The following CASKIN1 variants were observed in gnomAD, a reference collection of about 807,000 sequenced individuals.
CASKIN1 encodes the protein CASK interacting protein 1, also known as caskin-1.
Under a neutral mutation model 117.5 loss-of-function variants are expected in CASKIN1, and 42 were observed. The observed-to-expected ratio is 0.36, with a 90% CI of 0.28 to 0.46. The LOEUF (loss-of-function observed/expected upper bound fraction) is 0.46. CASKIN1 is among the 20% of genes least tolerant of loss of function. CASKIN1 has a pLI of 1.00. For synonymous variants in CASKIN1, 1,148 were observed against 961.7 expected, an observed-to-expected ratio of 1.19 and a Z score of -3.59; for missense variants, 2,083 against 2,077.3, an observed-to-expected ratio of 1.00 and a Z score of -0.05.
chr16:2,186,047 C>A (rs1041328717), intron 10 of CASKIN1, among the ~76,000 whole-genome samples: 1 of 152,202 alleles, frequency 6.6e-6, no homozygotes, highest in African/African-American at 2.4e-5. Flanking sequence ...TCTTCGCTCA[C>A]TGTAGCCTCC....
At position 2,190,353 on chromosome 16, in the gene CASKIN1, G is replaced by T; in HGVS notation, c.100C>A (p.Leu34Met). The T allele has an allele frequency of 6.4e-7, 1 of 1,571,030 alleles. No individual in the cohort carries two copies. Residue 34 changes from leucine (L) to methionine (M), a missense_variant, in exon 2 of 20, where the codon CTG (leucine) becomes ATG (methionine). By Grantham distance (15) the Leu-to-Met change is conservative. Around this residue, in one of 3 missense-constraint regions of CASKIN1, gnomAD observed 62 missense variants for 49.7 expected, o/e 1.25. Coordinates refer to ENST00000343516, the MANE Select transcript of CASKIN1 (RefSeq NM_020764.4). ...ACATTGATCTTCTTGGTGGAACCCA[G>T]GAGCTCTGGGGATGGAAGGAGACTC... Reference protein sequence around the residue: ...QRPRPGKAKLLGSTKKINVNF... With the variant: ...QRPRPGKAKLMGSTKKINVNF...
intron 1 of CASKIN1, 148 bp from the exon 2 acceptor site, chr16:2,190,506 C>T (rs1156281746): frequency 9.7e-6 from 7 of 722,220 alleles, no homozygotes; most frequent in Non-Finnish European, 1.6e-5. Context: ...CACTCGTGCA[C>T]TCACGCGTTC....
Position 2,180,965 on chromosome 16 carries a change from C to G in CASKIN1, c.2403G>C (p.Thr801=). The G allele has an allele frequency of 6.8e-7, 1 of 1,467,354 alleles. No individual in the cohort carries two copies. Among genetic ancestry groups the G allele is most frequent in the Non-Finnish European group, 9.0e-7 (1 of 1,114,860 alleles). The allele number at this position is 1,467,354 out of a possible 1,614,324, so 90.9% of individuals were successfully genotyped here. The change falls in exon 18 of 20, where the codon ACG becomes ACC. Residue 801 remains threonine (T), a synonymous_variant. Coordinates refer to ENST00000343516, the MANE Select transcript of CASKIN1 (RefSeq NM_020764.4). ...GCTGCGGGGTGGGCTTCACCTTGGC[C>G]GTAGCTGGGGCTGGACCATGAGGTC... ...LGGPHGPAPA[T]AKVKPTPQLL...
At position 2,178,645 on chromosome 16, in the gene CASKIN1, C is replaced by T; in HGVS notation, c.4201G>A (p.Asp1401Asn). The change falls in exon 20 of 20, where the codon GAC becomes AAC. Residue 1401 changes from aspartate to asparagine, a missense_variant and splice_region_variant. Asp to Asn is a conservative substitution (Grantham distance 23, BLOSUM62 1). This residue lies in a region of CASKIN1 where 1,818 missense variants were observed against 1,688.9 expected (regional missense o/e 1.08). Coordinates refer to ENST00000343516, the MANE Select transcript of CASKIN1 (RefSeq NM_020764.4). ...CCAGTGCTCTTTTCCGCCGCCGAGTCGCTGCGGGGCGCGGGGCAAGGGGCG... is the reference window on the plus strand; with the variant it reads ...CCAGTGCTCTTTTCCGCCGCCGAGTTGCTGCGGGGCGCGGGGCAAGGGGCG... The part of the protein sequence containing the change: ...IRQEDAQGPR[D>N]SAAEKSTGSI... The T allele has an allele frequency of 6.3e-7, 1 of 1,586,748 alleles. No homozygotes were observed. The highest frequency in any genetic ancestry group is 8.5e-7 in the Non-Finnish European group (1 of 1,173,018).
At chr16:2,193,181 C>A (rs1166384237) in intron 1 of CASKIN1, among the ~76,000 whole-genome samples, 1 of 152,052 alleles carries the variant, frequency 6.6e-6, no homozygotes, top group Non-Finnish European at 1.5e-5. Context: ...CCACTCCTGG[C>A]TAATTTTGTA....
At chr16:2,187,718 T>C (rs2093189081) in intron 6 of CASKIN1, among the ~76,000 whole-genome samples, 1 of 151,402 alleles carries the variant, frequency 6.6e-6, no homozygotes, top group Admixed American at 6.6e-5. Flanking sequence ...ACCTCCTGGG[T>C]TCAAGCGATT....
rs778644327 is a variant in CASKIN1 at position 2,181,312 on chromosome 16, G to A, written c.2056C>T (p.Pro686Ser). 3.7e-6 allele frequency: 6 copies of A among 1,604,734 alleles called. No individual in the cohort carries two copies. The highest frequency in any genetic ancestry group is 5.1e-6 in the Non-Finnish European group (6 of 1,178,716). ...GAGTCCTGCCGCGTGGTGGCCCTCG[G>A]GGTGGGTGGCAGGTGGCTGGAGGGC... Reference protein sequence around the residue: ...EKPSSHLPPTPRATTRQDSSL... With the variant: ...EKPSSHLPPTSRATTRQDSSL... Residue 686 changes from proline (P) to serine (S), a missense_variant, in exon 18 of 20, where the codon CCG becomes TCG. By Grantham distance (74) the Pro-to-Ser change is moderately conservative. This residue lies in a region of CASKIN1 where 1,818 missense variants were observed against 1,688.9 expected (regional missense o/e 1.08). Coordinates refer to ENST00000343516, the MANE Select transcript of CASKIN1 (RefSeq NM_020764.4).
Position 2,183,633 on chromosome 16 carries a change from C to T in CASKIN1, c.1629+13G>A. On this transcript the variant is annotated intron_variant, in intron 16 of 19. Coordinates refer to ENST00000343516, the MANE Select transcript of CASKIN1 (RefSeq NM_020764.4). ...CGTCCTGGGCCCAGCCCCTGGGATGCAGGTGGCCTTACGGGTTTGTGCTCA... is the reference window on the plus strand; with the variant it reads ...CGTCCTGGGCCCAGCCCCTGGGATGTAGGTGGCCTTACGGGTTTGTGCTCA... 1 of 1,612,088 alleles carries T rather than the reference C, an allele frequency of 6.2e-7. No homozygotes were observed.
At position 2,183,757 on chromosome 16, in the gene CASKIN1, G is replaced by A. The variant is rs753110065; in HGVS notation, c.1528-10C>T. 5.0e-6 allele frequency: 8 copies of A among 1,613,124 alleles called. No individual in the cohort carries two copies. The highest frequency in any genetic ancestry group is 1.1e-5 in the South Asian group (1 of 91,080). On this transcript the variant is annotated splice_polypyrimidine_tract_variant and intron_variant, in intron 15 of 19. Transcript: ENST00000343516. ...CAATGGCCGTGAGGTCCTAGGCAGT[G>A]GGGAGGCTTGTCAGCTAGGGGCTGG...
rs2093215856 is a variant in CASKIN1, at chr16:2,196,294, G to C, written c.94+45C>G. On this transcript the variant is annotated intron_variant, in intron 1 of 19. Transcript: ENST00000343516. This position sits in a 1 kb window ranked among gnomAD's most constrained non-coding sequence, Gnocchi z 5.7. ...GGGTGGGGGGCTCCGCGCCGGGGAG[G>C]GGCCCCCGGGGCTCCCACCCGCGCC... 4.2e-6 allele frequency: 4 copies of C among 959,284 alleles called. No individual in the cohort carries two copies. In the African/African-American group the frequency reaches 7.0e-5, roughly 17 times the overall value. The allele number at this position is 959,284 out of a possible 1,614,324, so 59.4% of individuals were successfully genotyped here.
Position 2,183,700 on chromosome 16 carries a change from G to T in CASKIN1, c.1575C>A (p.Ile525=). ...TGCTTAGGCCGCTGATCTCTGCCGC[G>T]ATCTTCTTCCGGTGGCCCGGCTTGG... ...GVTKPGHRKK[I]AAEISGLSIP... The change falls in exon 16 of 20, where the codon ATC becomes ATA. Residue 525 remains isoleucine (I), a synonymous_variant. Transcript: ENST00000343516. The T allele has an allele frequency of 1.2e-6, 2 of 1,613,412 alleles. No homozygotes were observed. Among genetic ancestry groups the T allele is most frequent in the East Asian group, 2.2e-5 (1 of 44,880 alleles).
Position 2,181,822 on chromosome 16 carries a change from C to T in CASKIN1, c.1737G>A (p.Glu579=), listed in dbSNP as rs199631539. The change falls in exon 17 of 20, where the codon GAG becomes GAA. Residue 579 remains glutamate, a synonymous_variant. Coordinates refer to ENST00000343516, the MANE Select transcript of CASKIN1 (RefSeq NM_020764.4). Reference sequence around the variant, plus strand: ...TGGTGATGCCGATCTCCTGCAGGTCCTCCCAGGTGATGTCGGTGATGAAAT... The same window carrying T: ...TGGTGATGCCGATCTCCTGCAGGTCTTCCCAGGTGATGTCGGTGATGAAAT... ...NIDFITDITW[E]DLQEIGITKL... 1 of 1,613,694 alleles carries T rather than the reference C, an allele frequency of 6.2e-7. No individual in the cohort carries two copies. Among genetic ancestry groups the T allele is most frequent in the Non-Finnish European group, 8.5e-7 (1 of 1,179,974 alleles).
At position 2,180,244 on chromosome 16, in the gene CASKIN1, T is replaced by G. The variant is rs752311859; in HGVS notation, c.3124A>C (p.Thr1042Pro). 1 of 1,553,944 alleles carries G rather than the reference T, an allele frequency of 6.4e-7. No individual in the cohort carries two copies. Among genetic ancestry groups the G allele is most frequent in the Non-Finnish European group, 8.7e-7 (1 of 1,150,048 alleles). Residue 1042 changes from threonine to proline, a missense_variant, in exon 18 of 20, where the codon ACC (threonine) becomes CCC (proline). Transcript: ENST00000343516. ...PASPEPGRVA[T>P]VLASVKHKEA... ...TTGTGTTTCACTGAGGCCAGCACGG[T>G]GGCCACCCGGCCCGGCTCTGGGCTG...
At position 2,178,238 on chromosome 16, in the gene CASKIN1, C is replaced by A. The variant is rs537339483; in HGVS notation, c.*312G>T. On this transcript the variant is annotated 3_prime_UTR_variant, in exon 20 of 20. Transcript: ENST00000343516. The stretch of plus-strand genomic sequence containing the variant: ...CCCGATGGGCAGTTCTGTGCTGGGC[C>A]CGGGCCTGTGCGCTGCCCCATCCCT... 2,306 of 417,564 alleles carry A rather than the reference C, an allele frequency of 5.5e-3. 9 individuals are homozygous for A. Among genetic ancestry groups the A allele is most frequent in the Non-Finnish European group, 7.6e-3 (1,713 of 226,008 alleles). 25.9% of individuals were successfully genotyped at this position (417,564 alleles called of 1,614,324 possible). A position where few individuals can be genotyped will look rare whatever the true frequency, so the allele number is the denominator to read the frequency against.
At chr16:2,191,648 C>T (rs868633852) in intron 1 of CASKIN1, among the ~76,000 whole-genome samples, 1 of 152,256 alleles carries the variant, frequency 6.6e-6, no homozygotes, top group East Asian at 1.9e-4. Flanking sequence ...CAAGCAAAGT[C>T]GTCTCCAGCC....
At chr16:2,194,948 A>AC (rs1451498739) in intron 1 of CASKIN1, among the ~76,000 whole-genome samples, 2 of 152,066 alleles carry the variant, frequency 1.3e-5, no homozygotes, top group Non-Finnish European at 2.9e-5. Context: ...TGGTCTTAGG[A>AC]CCCCACCGTG....
rs2093215716 is a variant in CASKIN1 at position 2,196,272 on chromosome 16, T to TG, written c.94+66dup. The TG allele has an allele frequency of 1.7e-6, 1 of 578,006 alleles. No homozygotes were observed. Among genetic ancestry groups the TG allele is most frequent in the Non-Finnish European group, 2.3e-6 (1 of 435,346 alleles). 35.8% of individuals were successfully genotyped at this position (578,006 alleles called of 1,614,324 possible). A position where few individuals can be genotyped will look rare whatever the true frequency, so the allele number is the denominator to read the frequency against. ...CGTCCCCTCCCCGCCCGGCGCCGGG[T>TG]GGGGGGCTCCGCGCCGGGGAGGGGC... On this transcript the variant is annotated intron_variant, in intron 1 of 19. Transcript: ENST00000343516. The surrounding 1 kb of genome is among the most constrained non-coding windows in gnomAD (Gnocchi z 5.7).
At chr16:2,186,420 T>C (rs26836) in intron 10 of CASKIN1, among the ~76,000 whole-genome samples, 151,491 of 152,350 alleles carry the variant, frequency 0.99, 75,319 homozygotes, top group East Asian at 1. Context: ...TCCCCTGCCC[T>C]CTCCTGCCCC....
At chr16:2,191,016 CCCAGCGTCCT>C (rs2093200172) in intron 1 of CASKIN1, among the ~76,000 whole-genome samples, 3 of 152,160 alleles carry the variant, frequency 2.0e-5, no homozygotes, top group Admixed American at 2.0e-4. Flanking sequence ...CCTTCAGGGC[CCCAGCGTCCT>C]CCTGGGGCCC....
Sources: gnomAD v4.1 joint callset for allele counts (sites outside exome capture counted in the v4.1 genomes callset) on GRCh38, gnomAD v4.1.1 for gene constraint, gnomAD v4.1.1 regional missense constraint, Gnocchi (gnomAD v3.1) non-coding constraint, MANE v1.5 for transcripts, NCBI Gene and HGNC (gene_info 2026-07-23, HGNC 2026-07-21) for gene names.